IP6K1: variants seen among roughly 807,000 people sequenced by gnomAD.
The protein encoded by IP6K1 is ATP:1D-myo-inositol-hexakisphosphate phosphotransferase.
IP6K1 carries 13 observed loss-of-function variants against 38.3 expected under a neutral mutation model. That is an observed-to-expected ratio of 0.34 (90% CI 0.22 to 0.54). IP6K1 has a LOEUF of 0.54. Among genes scored for constraint, IP6K1 ranks in the 20% least tolerant of loss-of-function variants. The pLI is 0.92. For synonymous variants in IP6K1, 212 were observed against 229.9 expected, an observed-to-expected ratio of 0.92 and a Z score of 0.70; for missense variants, 397 against 599.8, an observed-to-expected ratio of 0.66 and a Z score of 3.53.
At chr3:49,774,495 T>A (rs1342075583) in intron 1 of IP6K1, among the ~76,000 whole-genome samples, 2 of 151,498 alleles carry the variant, frequency 1.3e-5, no homozygotes, top group Non-Finnish European at 2.9e-5. Flanking sequence ...TAAGACCATG[T>A]AGTATATTAT....
chr3:49,784,286 C>T (rs568249255), intron 1 of IP6K1, among the ~76,000 whole-genome samples: 6 of 152,042 alleles, frequency 3.9e-5, no homozygotes, highest in Admixed American at 1.3e-4. Context: ...CATGAGCTAC[C>T]GCACCTGGCC....
rs2080853838 is a variant in IP6K1 at position 49,759,879 on chromosome 3, C to A, written c.-128-11711G>T. 3.3e-5 allele frequency among the ~76,000 whole-genome samples: 5 copies of A among 152,164 alleles called. No individual in the cohort carries two copies. In the South Asian group the frequency reaches 1.0e-3, roughly 32 times the overall value. On this transcript the variant is annotated intron_variant, in intron 1 of 5. Coordinates refer to ENST00000321599, the MANE Select transcript of IP6K1 (RefSeq NM_153273.4). ...AGATTAGATTCCAGCTGTCTTCCAA[C>A]CCTCTAGTGAAATACCAGAATTATT...
rs936739394 is a variant in IP6K1, at chr3:49,727,673, A to G, written c.793-18T>C. ...TGGTACACCTGAAACCCCAGGAGGC[A>G]GACAGGGTGAGTGCCAGGGAAGTCT... On this transcript the variant is annotated intron_variant, in intron 5 of 5. Transcript: ENST00000321599. The surrounding 1 kb of genome is among the most constrained non-coding windows in gnomAD (Gnocchi z 5.9). 1.2e-6 allele frequency: 2 copies of G among 1,607,052 alleles called. No individual in the cohort carries two copies. The highest frequency in any genetic ancestry group is 1.3e-5 in the African/African-American group (1 of 74,824).
rs112656968 is a variant in IP6K1 at position 49,743,619 on chromosome 3, G to T, written c.223+4199C>A. On this transcript the variant is annotated intron_variant, in intron 2 of 5. Coordinates refer to ENST00000321599, the MANE Select transcript of IP6K1 (RefSeq NM_153273.4). The stretch of plus-strand genomic sequence containing the variant: ...ACTTGAGCCATAGTTTTTTTTTTTT[G>T]TTTTTTTTTTTTTTTTGAGACAAGA... Among the ~76,000 whole-genome samples, 114 of 81,802 alleles carry T rather than the reference G, an allele frequency of 1.4e-3. No homozygotes were observed. In the Middle Eastern group the frequency reaches 0.017, roughly 13 times the overall value. The allele number at this position is 81,802 out of a possible 152,430, so 53.7% of individuals were successfully genotyped here. A position where few individuals can be genotyped will look rare whatever the true frequency, so the allele number is the denominator to read the frequency against.
chr3:49,785,992 G>GT (rs1000956370), intron 1 of IP6K1: 1 of 152,272 alleles, frequency 6.6e-6, no homozygotes, highest in Non-Finnish European at 1.5e-5. Flanking sequence ...TAAGAAAGAG[G>GT]TAAGTCTATT....
At chr3:49,752,887 G>A (rs1012186445) in intron 1 of IP6K1, among the ~76,000 whole-genome samples, 11 of 151,694 alleles carry the variant, frequency 7.3e-5, no homozygotes, top group Middle Eastern at 6.8e-3. Context: ...CCAAGTAGGT[G>A]GGGACTACAA....
intron 1 of IP6K1, among the ~76,000 whole-genome samples, chr3:49,768,751 C>T (rs1341405896): frequency 6.6e-6 from 1 of 151,960 alleles, no homozygotes; most frequent in African/African-American, 2.4e-5. Context: ...GCCTCGGTGA[C>T]AGAGTGAGAC....
intron 4 of IP6K1, among the ~76,000 whole-genome samples, chr3:49,730,794 G>A (rs1476248416): frequency 2.0e-5 from 3 of 151,848 alleles, no homozygotes; most frequent in Non-Finnish European, 2.9e-5. Flanking sequence ...TTGGCTCATC[G>A]CAACCTCCGC....
intron 2 of IP6K1, among the ~76,000 whole-genome samples, chr3:49,741,918 G>A (rs2080672033): frequency 6.6e-6 from 1 of 152,100 alleles, no homozygotes; most frequent in Admixed American, 6.6e-5. Flanking sequence ...TCTAGCACTG[G>A]TTCAGTATTT....
intron 1 of IP6K1, among the ~76,000 whole-genome samples, chr3:49,761,062 T>C (rs1457085684): frequency 6.6e-6 from 1 of 152,132 alleles, no homozygotes. Context: ...ACACCTGTAA[T>C]CCCAGCACTT....
intron 1 of IP6K1, among the ~76,000 whole-genome samples, chr3:49,762,551 A>AAAT (rs531165498): frequency 0.02 from 3,009 of 151,026 alleles, 68 homozygotes; most frequent in African/African-American, 0.051. Context: ...CTCTGTCTCA[A>AAAT]AATAATAATA....
chr3:49,740,963 C>T (rs1387988580), intron 2 of IP6K1, among the ~76,000 whole-genome samples: 3 of 151,950 alleles, frequency 2.0e-5, no homozygotes, highest in Non-Finnish European at 2.9e-5. Context: ...ATTCTCCTGC[C>T]TCAGCCTCCT....
chr3:49,783,311 C>T (rs889422520), intron 1 of IP6K1, among the ~76,000 whole-genome samples: 2 of 151,120 alleles, frequency 1.3e-5, no homozygotes, highest in Admixed American at 1.3e-4. Flanking sequence ...AATCCCAGGC[C>T]AAGGCTGAGG....
At position 49,726,994 on chromosome 3, in the gene IP6K1, T is replaced by C. The variant is rs2108218144; in HGVS notation, c.*128A>G. 1.0e-6 allele frequency: 1 copy of C among 978,316 alleles called. No homozygotes were observed. The highest frequency in any genetic ancestry group is 2.4e-5 in the East Asian group (1 of 41,012). 60.6% of individuals were successfully genotyped at this position (978,316 alleles called of 1,614,324 possible). ...ATTCCAGGCTACAGCTAAAAACATT[T>C]CTTTTAGTTTACACCAAAGAGAAAT... On this transcript the variant is annotated 3_prime_UTR_variant, in exon 6 of 6. Coordinates refer to ENST00000321599, the MANE Select transcript of IP6K1 (RefSeq NM_153273.4).
intron 1 of IP6K1, among the ~76,000 whole-genome samples, chr3:49,750,965 C>G (rs1252310088): frequency 1.3e-5 from 2 of 152,086 alleles, no homozygotes; most frequent in Admixed American, 6.6e-5. Flanking sequence ...AGTGGAAGTA[C>G]CCCAGAACCC....
At chr3:49,765,445 T>A (rs1207959595) in intron 1 of IP6K1, among the ~76,000 whole-genome samples, 1 of 131,348 alleles carries the variant, frequency 7.6e-6, no homozygotes, top group Non-Finnish European at 1.6e-5. Flanking sequence ...ATGGAGACCA[T>A]CCTGGCCAAC....
intron 1 of IP6K1, among the ~76,000 whole-genome samples, chr3:49,751,913 A>G (rs1006946768): frequency 1.3e-5 from 2 of 152,252 alleles, no homozygotes; most frequent in African/African-American, 2.4e-5. Context: ...TCTGGTTATA[A>G]TAACAAACTC....
intron 1 of IP6K1, among the ~76,000 whole-genome samples, chr3:49,777,671 T>C (rs1346342779): frequency 6.6e-6 from 1 of 151,822 alleles, no homozygotes; most frequent in Non-Finnish European, 1.5e-5. Context: ...TCCCAGCACT[T>C]TGGGAAGCCG....
chr3:49,739,228 G>A (rs976554557), intron 2 of IP6K1, among the ~76,000 whole-genome samples: 1 of 152,050 alleles, frequency 6.6e-6, no homozygotes, highest in African/African-American at 2.4e-5. Context: ...ACTCTCAGAT[G>A]TACACAGTTG....
Sources: gnomAD v4.1 joint callset for allele counts (sites outside exome capture counted in the v4.1 genomes callset) on GRCh38, gnomAD v4.1.1 for gene constraint, Gnocchi (gnomAD v3.1) non-coding constraint, MANE v1.5 for transcripts, NCBI Gene and HGNC (gene_info 2026-07-23, HGNC 2026-07-21) for gene names.